Variants in WDFY3 observed in about 807,000 individuals in gnomAD.
WDFY3 encodes the protein WD repeat and FYVE domain-containing protein 3.
A neutral mutation model predicts 409.6 loss-of-function variants in WDFY3; 66 were observed. The ratio of observed to expected loss-of-function variants is 0.16; its 90% CI spans 0.13 to 0.20. WDFY3 has a LOEUF of 0.20. Ranked by LOEUF, WDFY3 falls within the 10% of genes least tolerant of loss-of-function variation. The pLI, the probability that WDFY3 is intolerant of heterozygous loss-of-function variation, is 1.00. For synonymous variants in WDFY3, 1,521 were observed against 1,537.1 expected, an observed-to-expected ratio of 0.99 and a Z score of 0.25; for missense variants, 3,031 against 4,298.1, an observed-to-expected ratio of 0.71 and a Z score of 8.24.
intron 5 of WDFY3, 33 bp downstream of exon 5, chr4:84,849,869 C>T: frequency 6.2e-7 from 1 of 1,603,836 alleles, no homozygotes. Context: ...TTCATTCAAA[C>T]AAATCAGTTT....
At chr4:84,697,962 T>C (rs1304876216) in intron 56 of WDFY3, among the ~76,000 whole-genome samples, 2 of 152,210 alleles carry the variant, frequency 1.3e-5, no homozygotes, top group Non-Finnish European at 2.9e-5. Context: ...TTTAAAGGAA[T>C]GTCTTGACTT....
intron 5 of WDFY3, among the ~76,000 whole-genome samples, chr4:84,844,154 A>C (rs1757759682): frequency 6.6e-6 from 1 of 152,194 alleles, no homozygotes; most frequent in Non-Finnish European, 1.5e-5. Flanking sequence ...TAAACAAACG[A>C]ATTCAATTAG....
chr4:84,758,838 G>A (rs116567864), intron 32 of WDFY3, among the ~76,000 whole-genome samples: 1 of 152,130 alleles, frequency 6.6e-6, no homozygotes, highest in Admixed American at 6.5e-5. Flanking sequence ...AACATGATTT[G>A]TTCAAAGTCA....
At chr4:84,680,675 T>C (rs1226709228) in intron 64 of WDFY3, among the ~76,000 whole-genome samples, 1 of 152,196 alleles carries the variant, frequency 6.6e-6, no homozygotes, top group Non-Finnish European at 1.5e-5. Context: ...TTTGGGGAAA[T>C]AAACTGTGTC....
intron 62 of WDFY3, 56 bp from the exon 63 acceptor site, chr4:84,684,181 T>C: frequency 6.9e-7 from 1 of 1,442,176 alleles, no homozygotes; most frequent in Admixed American, 2.2e-5. Flanking sequence ...TACCTTCTGG[T>C]TTCTGAAGCA....
chr4:84,731,678 A>T (rs757189783), intron 44 of WDFY3, among the ~76,000 whole-genome samples: 1 of 152,208 alleles, frequency 6.6e-6, no homozygotes, highest in African/African-American at 2.4e-5. Context: ...TGCTGATGAT[A>T]CTACGGTTGT....
In WDFY3 at chr4:84,810,159, C is replaced by T. The variant is rs767037173; in HGVS notation, c.2073G>A (p.Thr691=). The change falls in exon 14 of 68, where the codon ACG becomes ACA. Residue 691 remains threonine, a synonymous_variant. Coordinates refer to ENST00000295888, the MANE Select transcript of WDFY3 (RefSeq NM_014991.6). ...GCTCATAGCGCATTGCTGCAGTCAA[C>T]GTGCAGAACACAGTGTGAAGAAGTT... ...VFELLHTVFC[T]LTAAMRYEPA... 10 of 1,614,010 alleles carry T rather than the reference C, an allele frequency of 6.2e-6. No homozygotes were observed. The African/African-American group carries it at 6.7e-5, about 11-fold the overall frequency.
chr4:84,717,824 G>A (rs1024161814), intron 48 of WDFY3, among the ~76,000 whole-genome samples: 16 of 151,962 alleles, frequency 1.1e-4, no homozygotes, highest in South Asian at 4.1e-4. Context: ...CGAGGCGGGC[G>A]GATCACAAGG....
intron 3 of WDFY3, among the ~76,000 whole-genome samples, 150 bp downstream of exon 3, chr4:84,896,756 TAGTAC>T (rs374793548): frequency 4.6e-5 from 7 of 152,198 alleles, no homozygotes; most frequent in Non-Finnish European, 8.8e-5. Flanking sequence ...CTAAATATGA[TAGTAC>T]AGTAATCAAA....
chr4:84,901,983 T>C (rs1017032440), intron 2 of WDFY3, among the ~76,000 whole-genome samples: 3 of 152,194 alleles, frequency 2.0e-5, no homozygotes, highest in African/African-American at 7.2e-5. Flanking sequence ...TATCTCAGAA[T>C]ACCTCCATTC....
intron 56 of WDFY3, among the ~76,000 whole-genome samples, chr4:84,699,053 T>C (rs1461176955): frequency 2.0e-5 from 3 of 152,072 alleles, no homozygotes; most frequent in Admixed American, 2.0e-4. Context: ...TGTTTTTTTT[T>C]TTTTCTATTG....
chr4:84,833,011 C>G (rs1012409397), intron 7 of WDFY3, among the ~76,000 whole-genome samples: 4 of 151,360 alleles, frequency 2.6e-5, no homozygotes, highest in African/African-American at 9.7e-5. Flanking sequence ...TATAAATAAT[C>G]TTCATTTCAG....
intron 3 of WDFY3, among the ~76,000 whole-genome samples, chr4:84,861,684 A>G (rs1483155101): frequency 3.3e-5 from 5 of 152,338 alleles, no homozygotes; most frequent in Admixed American, 3.3e-4. Flanking sequence ...TATTTCAGAT[A>G]AAGGTGTATT....
chr4:84,868,672 T>C lies in WDFY3; in HGVS notation c.-31-8050A>G, dbSNP rs147390029. 6.3e-3 allele frequency among the ~76,000 whole-genome samples: 963 copies of C among 152,266 alleles called. 10 individuals are homozygous for C. The highest frequency in any genetic ancestry group is 0.022 in the African/African-American group (905 of 41,546). On this transcript the variant is annotated intron_variant, in intron 3 of 67. Transcript: ENST00000295888. ...AGCAACTCACCTCCATTTAAGAATA[T>C]TTCACTTACATAAAATTTACAACAG...
chr4:84,805,068 TC>T (rs1483498307), intron 15 of WDFY3, among the ~76,000 whole-genome samples: 2 of 152,138 alleles, frequency 1.3e-5, no homozygotes, highest in East Asian at 3.9e-4. Context: ...TGGATCAGAG[TC>T]AAAACACAGT....
intron 19 of WDFY3, 35 bp from the exon 20 acceptor site, chr4:84,795,014 C>A: frequency 6.9e-7 from 1 of 1,439,424 alleles, no homozygotes; most frequent in Non-Finnish European, 9.2e-7. Flanking sequence ...TATTAGAGAT[C>A]AATGACTCCT....
rs1462751484 is a variant in WDFY3 at position 84,894,024 on chromosome 4, C to G, written c.-32+2887G>C. 2.0e-5 allele frequency among the ~76,000 whole-genome samples: 3 copies of G among 151,632 alleles called. No individual in the cohort carries two copies. In the East Asian group the frequency reaches 5.8e-4, roughly 29 times the overall value. On this transcript the variant is annotated intron_variant, in intron 3 of 67. Coordinates refer to ENST00000295888, the MANE Select transcript of WDFY3 (RefSeq NM_014991.6). ...AAAATTAGAAAAAGGTAATTTAGCA[C>G]AGAATCAACTTTAAATGTACATTAA...
At chr4:84,813,001 A>G (rs749119308) in intron 13 of WDFY3, among the ~76,000 whole-genome samples, 26 of 152,166 alleles carry the variant, frequency 1.7e-4, no homozygotes, top group Non-Finnish European at 3.2e-4. Context: ...TACAATTCAT[A>G]CAATTCAAAT....
At chr4:84,681,120 C>T (rs1044849125) in intron 64 of WDFY3, among the ~76,000 whole-genome samples, 1 of 152,118 alleles carries the variant, frequency 6.6e-6, no homozygotes, top group African/African-American at 2.4e-5. Context: ...TACATTTCAC[C>T]CCAGCAAGTG....
Sources: allele counts gnomAD v4.1 joint callset (sites outside exome capture counted in the v4.1 genomes callset), GRCh38; gene constraint gnomAD v4.1.1; transcripts MANE v1.5; gene names NCBI Gene and HGNC (gene_info 2026-07-23, HGNC 2026-07-21).